Variants in SRRM4 observed in about 807,000 individuals in gnomAD.
SRRM4 encodes serine/arginine repetitive matrix 4, also known as serine/arginine repetitive matrix protein 4.
A neutral mutation model predicts 68.9 loss-of-function variants in SRRM4; 33 were observed. That is an observed-to-expected ratio of 0.48 (90% confidence interval 0.36 to 0.64). The LOEUF (loss-of-function observed/expected upper bound fraction) is 0.64, where lower values mean the gene tolerates loss of function less well. SRRM4 is among the 30% of genes least tolerant of loss of function. SRRM4 has a pLI of 0.00. For missense variants in SRRM4, 817 were observed against 827.1 expected (o/e 0.99, Z 0.15); for synonymous variants, 318 against 318.8 (o/e 1.00, Z 0.03).
chr12:119,079,162 A>C (rs1766201891), intron 1 of SRRM4, among the ~76,000 whole-genome samples: 1 of 152,140 alleles, frequency 6.6e-6, no homozygotes, highest in Non-Finnish European at 1.5e-5. Context: ...GAAGACATGA[A>C]ATCATGACAG....
chr12:119,056,976 A>C (rs1565898963), intron 1 of SRRM4, among the ~76,000 whole-genome samples: 1 of 152,134 alleles, frequency 6.6e-6, no homozygotes, highest in Non-Finnish European at 1.5e-5. Context: ...GGAAGGAGAG[A>C]TAGGTTTGCA....
rs746925965 is a variant in SRRM4, at chr12:119,153,572, G to T, written c.1314G>T (p.Lys438Asn). 14 of 1,576,712 alleles carry T rather than the reference G, an allele frequency of 8.9e-6. No individual in the cohort carries two copies. Among genetic ancestry groups the T allele is most frequent in the Middle Eastern group, 3.3e-4 (2 of 6,048 alleles). The change falls in exon 11 of 13, where the codon AAG becomes AAT. Residue 438 changes from lysine to asparagine, a missense_variant. Physicochemically the swap from Lys to Asn is moderately conservative, Grantham distance 94. Coordinates refer to ENST00000267260, the MANE Select transcript of SRRM4 (RefSeq NM_194286.4). The stretch of plus-strand genomic sequence containing the variant: ...CCCGCTCTCCCAGCTATTCCTCCAA[G>T]TCTGGCAAGAGGAGCCCGCCCAGCA... ...SYSRSPSYSS[K>N]SGKRSPPSRS...
At chr12:119,124,031 G>A (rs1353389995) in intron 6 of SRRM4, among the ~76,000 whole-genome samples, 1 of 152,206 alleles carries the variant, frequency 6.6e-6, no homozygotes, top group Non-Finnish European at 1.5e-5. Flanking sequence ...AGTTAAGCAG[G>A]TGGTTTAAAC....
At chr12:119,079,651 G>T (rs998436806) in intron 1 of SRRM4, among the ~76,000 whole-genome samples, 1 of 152,212 alleles carries the variant, frequency 6.6e-6, no homozygotes, top group African/African-American at 2.4e-5. Flanking sequence ...TGTCGGGAGA[G>T]TTGTGAGTTG....
chr12:119,061,517 CT>C (rs1309152106), intron 1 of SRRM4, among the ~76,000 whole-genome samples: 3 of 152,270 alleles, frequency 2.0e-5, no homozygotes, highest in South Asian at 2.1e-4. Context: ...AGTTACATTA[CT>C]TTTCAGGTGT....
At chr12:119,084,847 A>G (rs1453462585) in intron 1 of SRRM4, among the ~76,000 whole-genome samples, 3 of 152,184 alleles carry the variant, frequency 2.0e-5, no homozygotes, top group African/African-American at 7.2e-5. Flanking sequence ...AATGGGCAGG[A>G]GATGATCAAG....
intron 1 of SRRM4, among the ~76,000 whole-genome samples, chr12:119,006,242 CAACTT>C (rs1485853040): frequency 6.6e-6 from 1 of 152,168 alleles, no homozygotes; most frequent in South Asian, 2.1e-4. Flanking sequence ...CATCTGCTCT[CAACTT>C]AACTCTTTCT....
rs1028784329 is a variant in SRRM4 at position 119,121,736 on chromosome 12, C to T, written c.465-334C>T. ...GGAGAGAATAAAATGAAGTTGTTGA[C>T]GAAAGTATTCAACAGAGTGCCTAGA... On this transcript the variant is annotated intron_variant, in intron 5 of 12. Coordinates refer to ENST00000267260, the MANE Select transcript of SRRM4 (RefSeq NM_194286.4). Among the ~76,000 whole-genome samples, 14 of 152,244 alleles carry T rather than the reference C, an allele frequency of 9.2e-5. No individual in the cohort carries two copies. In the South Asian group the frequency reaches 1.2e-3, roughly 14 times the overall value.
chr12:119,083,423 AC>A (rs1190483976), intron 1 of SRRM4, among the ~76,000 whole-genome samples: 18 of 152,070 alleles, frequency 1.2e-4, no homozygotes, highest in African/African-American at 4.1e-4. Flanking sequence ...GCAGCCTTCA[AC>A]TAATGACTGA....
chr12:119,087,468 C>CT (rs1429379767), intron 1 of SRRM4, among the ~76,000 whole-genome samples: 4 of 152,016 alleles, frequency 2.6e-5, no homozygotes, highest in Admixed American at 2.0e-4. Context: ...TTCATTCGGA[C>CT]TTTTTTTTAT....
intron 1 of SRRM4, among the ~76,000 whole-genome samples, chr12:119,034,777 T>A (rs557499865): frequency 7.0e-4 from 106 of 152,318 alleles, no homozygotes; most frequent in Non-Finnish European, 1.3e-3. Context: ...TTGTGGACAC[T>A]TTCGTCCCTG....
intron 1 of SRRM4, among the ~76,000 whole-genome samples, chr12:118,986,710 G>A (rs1215992239): frequency 6.6e-6 from 1 of 152,076 alleles, no homozygotes; most frequent in Non-Finnish European, 1.5e-5. Context: ...GGGGGCAGGA[G>A]GTTGGACTAA....
intron 1 of SRRM4, among the ~76,000 whole-genome samples, chr12:119,024,016 C>T (rs1324596132): frequency 6.6e-6 from 1 of 152,184 alleles, no homozygotes; most frequent in African/African-American, 2.4e-5. Context: ...GGCTTTTCTG[C>T]ATGTTACCTA....
At position 119,125,376 on chromosome 12, in the gene SRRM4, C is replaced by T. The variant is rs201414189; in HGVS notation, c.516-5C>T. 6.2e-7 allele frequency: 1 copy of T among 1,612,348 alleles called. No homozygotes were observed. Among genetic ancestry groups the T allele is most frequent in the African/African-American group, 1.3e-5 (1 of 74,948 alleles). On this transcript the variant is annotated splice_region_variant and splice_polypyrimidine_tract_variant and intron_variant, in intron 6 of 12. Transcript: ENST00000267260. ...CTCTGACTCGTTCCTTCTCATCCCC[C>T]CAAGATCTCGAAGCCGGCCCCGAAA...
intron 1 of SRRM4, among the ~76,000 whole-genome samples, chr12:119,064,113 A>G (rs947552049): frequency 1.3e-5 from 2 of 152,252 alleles, no homozygotes; most frequent in African/African-American, 4.8e-5. Context: ...CCATTGATTT[A>G]CAACTCAAAT....
intron 2 of SRRM4, among the ~76,000 whole-genome samples, chr12:119,106,396 G>T (rs186218191): frequency 0.039 from 5,979 of 152,030 alleles, 133 homozygotes; most frequent in African/African-American, 0.056. Context: ...AAATTACCTT[G>T]GGCAGTATGG....
At position 119,159,882 on chromosome 12, in the gene SRRM4, GAAA is replaced by G. The variant is rs11305482; in HGVS notation, c.*3096_*3098del. 2 of 138,252 alleles carry G rather than the reference GAAA, an allele frequency of 1.4e-5. No homozygotes were observed. The highest frequency in any genetic ancestry group is 2.6e-5 in the African/African-American group (1 of 38,208). 8.6% of individuals were successfully genotyped at this position (138,252 alleles called of 1,614,324 possible). On this transcript the variant is annotated 3_prime_UTR_variant, in exon 13 of 13. Transcript: ENST00000267260. ...AGCACAAAGCTATTTCTGAAATTAG[GAAA>G]AAAAAAAAAAAGGTGGAAGGAGCAG... is the stretch of plus-strand genomic sequence containing the variant.
chr12:119,027,410 C>T (rs903560081), intron 1 of SRRM4, among the ~76,000 whole-genome samples: 8 of 152,186 alleles, frequency 5.3e-5, no homozygotes, highest in African/African-American at 1.2e-4. Context: ...GGTCACGTCC[C>T]TTTTTCAATG....
At chr12:119,052,757 T>C (rs1392702792) in intron 1 of SRRM4, among the ~76,000 whole-genome samples, 1 of 152,168 alleles carries the variant, frequency 6.6e-6, no homozygotes, top group Non-Finnish European at 1.5e-5. Context: ...CTCGATCTCC[T>C]GACCTCGTGA....
Sources: allele counts gnomAD v4.1 joint callset (sites outside exome capture counted in the v4.1 genomes callset), GRCh38; gene constraint gnomAD v4.1.1; transcripts MANE v1.5; gene names NCBI Gene and HGNC (gene_info 2026-07-23, HGNC 2026-07-21).